The following NSMCE2 variants were observed in gnomAD, a reference collection of about 807,000 sequenced individuals.
NSMCE2 encodes the protein E3 SUMO-protein ligase NSE2.
In NSMCE2, 24 loss-of-function variants were observed where a neutral mutation model predicts 23.8. That is an observed-to-expected ratio of 1.01 (90% CI 0.73 to 1.42). NSMCE2 has a LOEUF of 1.42. Ranked by LOEUF, NSMCE2 falls within the 40% of genes most tolerant of loss-of-function variation. The pLI is 0.00. For missense variants in NSMCE2, 284 were observed against 296.5 expected (o/e 0.96, Z 0.31); for synonymous variants, 92 against 94.1 (o/e 0.98, Z 0.13).
At chr8:125,228,759 A>T (rs1825202399) in intron 5 of NSMCE2, among the ~76,000 whole-genome samples, 1 of 152,218 alleles carries the variant, frequency 6.6e-6, no homozygotes, top group African/African-American at 2.4e-5. Context: ...AACCTACAGC[A>T]AGATAATCAA....
rs571575613 is a variant in NSMCE2 at position 125,252,520 on chromosome 8, T to G, written c.418+70264T>G. ...CAGCCTGGGCGACAGAGCGAGACTC[T>G]GTCTCAAAAAAAAGAGAAAAACCCT... is the stretch of plus-strand genomic sequence containing the variant. On this transcript the variant is annotated intron_variant, in intron 5 of 7. Coordinates refer to ENST00000287437, the MANE Select transcript of NSMCE2 (RefSeq NM_173685.4). Among the ~76,000 whole-genome samples the G allele has an allele frequency of 8.5e-5, 13 of 152,308 alleles. No homozygotes were observed. The Middle Eastern group carries it at 0.01, about 120-fold the overall frequency.
intron 3 of NSMCE2, among the ~76,000 whole-genome samples, chr8:125,145,088 C>G (rs535466977): frequency 6.6e-6 from 1 of 152,210 alleles, no homozygotes; most frequent in East Asian, 1.9e-4. Context: ...AAAAAGAAAC[C>G]CCCTCCTTCA....
chr8:125,248,056 T>C (rs2131002298), intron 5 of NSMCE2, among the ~76,000 whole-genome samples: 1 of 152,320 alleles, frequency 6.6e-6, no homozygotes, highest in Non-Finnish European at 1.5e-5. Context: ...TTGAAACCAT[T>C]GATTAATGTC....
At chr8:125,305,261 C>T (rs748379743) in intron 5 of NSMCE2, among the ~76,000 whole-genome samples, 4 of 152,186 alleles carry the variant, frequency 2.6e-5, no homozygotes, top group South Asian at 2.1e-4. Flanking sequence ...GATAACCCTA[C>T]GGAGTAAGTA....
chr8:125,129,141 A>G (rs1417836007), intron 3 of NSMCE2, among the ~76,000 whole-genome samples: 2 of 152,196 alleles, frequency 1.3e-5, no homozygotes, highest in Non-Finnish European at 1.5e-5. Context: ...AATTGAAGCC[A>G]TAGAATGAAT....
chr8:125,153,341 T>C (rs1328187113), intron 4 of NSMCE2, among the ~76,000 whole-genome samples: 3 of 152,140 alleles, frequency 2.0e-5, no homozygotes, highest in Admixed American at 1.3e-4. Flanking sequence ...AGAAAAAACA[T>C]AGTTATTTTT....
At chr8:125,112,096 T>C (rs1818781759) in intron 3 of NSMCE2, among the ~76,000 whole-genome samples, 1 of 152,182 alleles carries the variant, frequency 6.6e-6, no homozygotes, top group Non-Finnish European at 1.5e-5. Flanking sequence ...AAAATAACAA[T>C]AACCCTAAGA....
chr8:125,340,922 C>G (rs1830222009), intron 5 of NSMCE2, among the ~76,000 whole-genome samples: 2 of 152,162 alleles, frequency 1.3e-5, no homozygotes, highest in Admixed American at 1.3e-4. Context: ...TGCATAATTT[C>G]TCTGCCTCCT....
chr8:125,202,290 T>A (rs1032630681), intron 5 of NSMCE2, among the ~76,000 whole-genome samples: 1 of 152,238 alleles, frequency 6.6e-6, no homozygotes, highest in Non-Finnish European at 1.5e-5. Context: ...TCACCAGTCT[T>A]CTGCGTCGAT....
intron 3 of NSMCE2, among the ~76,000 whole-genome samples, chr8:125,110,732 C>T (rs558310065): frequency 6.5e-5 from 9 of 137,614 alleles, no homozygotes; most frequent in African/African-American, 1.4e-4. Context: ...CATTTAGCGA[C>T]GTTTTGCTTA....
chr8:125,132,847 A>G (rs1563669878), intron 3 of NSMCE2, among the ~76,000 whole-genome samples: 1 of 152,220 alleles, frequency 6.6e-6, no homozygotes, highest in Non-Finnish European at 1.5e-5. Context: ...TAATTTGGCA[A>G]TGTCATATGA....
chr8:125,148,677 C>G (rs1214806772), intron 3 of NSMCE2, among the ~76,000 whole-genome samples: 1 of 152,062 alleles, frequency 6.6e-6, no homozygotes, highest in African/African-American at 2.4e-5. Flanking sequence ...TTGACCAGTT[C>G]CAGTATCAGA....
intron 5 of NSMCE2, among the ~76,000 whole-genome samples, chr8:125,350,719 A>G (rs1802373692): frequency 6.6e-6 from 1 of 152,234 alleles, no homozygotes; most frequent in African/African-American, 2.4e-5. Flanking sequence ...GACTATCACA[A>G]GAACAGCATG....
chr8:125,245,615 C>T (rs1344407535), intron 5 of NSMCE2, among the ~76,000 whole-genome samples: 1 of 151,554 alleles, frequency 6.6e-6, no homozygotes, highest in Non-Finnish European at 1.5e-5. Flanking sequence ...AAAAAAAATA[C>T]TAAGGATAGA....
intron 5 of NSMCE2, among the ~76,000 whole-genome samples, chr8:125,216,634 C>CA (rs35656783): frequency 0.11 from 14,627 of 130,530 alleles, 960 homozygotes; most frequent in African/African-American, 0.19. Flanking sequence ...GGCTGTGTGT[C>CA]AAAAAAAAAA....
At chr8:125,202,961 C>T (rs761642247) in intron 5 of NSMCE2, among the ~76,000 whole-genome samples, 10 of 152,114 alleles carry the variant, frequency 6.6e-5, no homozygotes, top group Non-Finnish European at 1.0e-4. Flanking sequence ...ACAACCTTTT[C>T]TTGATAGGAA....
chr8:125,126,971 A>G (rs1414489757), intron 3 of NSMCE2: 2 of 152,124 alleles, frequency 1.3e-5, no homozygotes, highest in African/African-American at 4.8e-5. Flanking sequence ...CGCAGGTGAG[A>G]GAGGTGGATG....
intron 1 of NSMCE2, among the ~76,000 whole-genome samples, chr8:125,096,875 G>C (rs1402645676): frequency 2.0e-5 from 3 of 152,060 alleles, no homozygotes; most frequent in Non-Finnish European, 4.4e-5. Context: ...CTCCCAAAGT[G>C]CTGGGATTAC....
At chr8:125,096,512 A>AT (rs1189058141) in intron 1 of NSMCE2, among the ~76,000 whole-genome samples, 1 of 112,698 alleles carries the variant, frequency 8.9e-6, no homozygotes, top group Non-Finnish European at 1.9e-5. Flanking sequence ...GGAAAGCTTT[A>AT]TTTTTTTCTT....
Sources: allele counts gnomAD v4.1 joint callset (sites outside exome capture counted in the v4.1 genomes callset), GRCh38; gene constraint gnomAD v4.1.1; transcripts MANE v1.5; gene names NCBI Gene and HGNC (gene_info 2026-07-23, HGNC 2026-07-21).